Variants in CDH2 observed in about 807,000 individuals in gnomAD.
CDH2 encodes cadherin 2, also known as cadherin-2.
CDH2 carries 17 observed loss-of-function variants against 92.0 expected under a neutral mutation model. That is an observed-to-expected ratio of 0.18 (90% CI 0.13 to 0.28). The LOEUF (loss-of-function observed/expected upper bound fraction) is 0.28, where lower values mean the gene tolerates loss of function less well. Among genes scored for constraint, CDH2 ranks in the 10% least tolerant of loss-of-function variants. CDH2 has a pLI of 1.00. For missense variants in CDH2, 862 were observed against 1,133.1 expected (o/e 0.76, Z 3.44); for synonymous variants, 419 against 415.9 (o/e 1.01, Z -0.09).
At chr18:28,113,731 GAAA>G (rs1244962765) in intron 2 of CDH2, among the ~76,000 whole-genome samples, 2 of 151,730 alleles carry the variant, frequency 1.3e-5, no homozygotes, top group African/African-American at 4.8e-5. Flanking sequence ...AATTAGCTCT[GAAA>G]AAAAGACAGG....
At chr18:28,069,704 C>T (rs1353031061) in intron 2 of CDH2, among the ~76,000 whole-genome samples, 1 of 152,138 alleles carries the variant, frequency 6.6e-6, no homozygotes, top group Admixed American at 6.6e-5. Context: ...GAATTAGCTG[C>T]CCCACCAGAA....
chr18:28,058,955 G>A (rs2014349277), intron 2 of CDH2, among the ~76,000 whole-genome samples: 1 of 152,160 alleles, frequency 6.6e-6, no homozygotes, highest in African/African-American at 2.4e-5. Flanking sequence ...AGGCTATTTG[G>A]TTAAAACAGG....
Position 27,992,721 on chromosome 18 carries a change from A to C in CDH2, c.1278T>G (p.Asp426Glu). The C allele has an allele frequency of 3.7e-6, 6 of 1,614,038 alleles. No homozygotes were observed. The highest frequency in any genetic ancestry group is 5.1e-6 in the Non-Finnish European group (6 of 1,179,980). The change falls in exon 9 of 16, where the codon GAT becomes GAG. Residue 426 changes from aspartate to glutamate, a missense_variant. Asp to Glu is a conservative substitution (Grantham distance 45, BLOSUM62 2). Coordinates refer to ENST00000269141, the MANE Select transcript of CDH2 (RefSeq NM_001792.5). ...WNAVYRISGGDPTGRFAIQTD... is the reference protein window; with the variant it reads ...WNAVYRISGGEPTGRFAIQTD... ...TCTGGATGGCGAACCGTCCAGTAGG[A>C]TCTCCGCCACTGATTCTGTACACTG...
intron 2 of CDH2, among the ~76,000 whole-genome samples, chr18:28,059,480 C>T (rs1457870500): frequency 2.0e-5 from 3 of 152,156 alleles, no homozygotes; most frequent in Non-Finnish European, 1.5e-5. Context: ...TAGTTAACAG[C>T]CCCTGAGCTT....
intron 2 of CDH2, among the ~76,000 whole-genome samples, chr18:28,047,851 A>G (rs2014110278): frequency 7.2e-6 from 1 of 138,482 alleles, no homozygotes. Flanking sequence ...CCTGAACAAC[A>G]GAGGGAGACT....
chr18:27,982,613 A>T (rs1230617076), intron 14 of CDH2, among the ~76,000 whole-genome samples: 3 of 152,170 alleles, frequency 2.0e-5, no homozygotes, highest in African/African-American at 7.2e-5. Context: ...AATTATCCAG[A>T]TCCCAAAGTA....
chr18:27,987,175 T>G (rs552811922), intron 11 of CDH2, among the ~76,000 whole-genome samples: 1 of 152,226 alleles, frequency 6.6e-6, no homozygotes, highest in African/African-American at 2.4e-5. Context: ...TATAATTTTA[T>G]GGCTCTTTAG....
intron 2 of CDH2, among the ~76,000 whole-genome samples, chr18:28,024,711 A>C (rs576964879): frequency 6.6e-6 from 1 of 151,882 alleles, no homozygotes; most frequent in Non-Finnish European, 1.5e-5. Flanking sequence ...GAAATCAACT[A>C]ATTTAATTGA....
rs535483516 is a variant in CDH2, at chr18:28,025,379, G to A, written c.173-11470C>T. Among the ~76,000 whole-genome samples the A allele has an allele frequency of 3.9e-4, 60 of 151,956 alleles. 1 individual carries two copies. Among genetic ancestry groups the A allele is most frequent in the African/African-American group, 2.2e-4 (9 of 41,434 alleles). ...CTAAAATACAAAAAATTAGCCAGGC[G>A]TGGCGGTGTACACCTGTAGTCCCAG... On this transcript the variant is annotated intron_variant, in intron 2 of 15. Transcript: ENST00000269141.
At chr18:28,138,986 G>A (rs1301440124) in intron 2 of CDH2, among the ~76,000 whole-genome samples, 1 of 152,034 alleles carries the variant, frequency 6.6e-6, no homozygotes, top group Middle Eastern at 3.2e-3. Context: ...TGTCAAGGAT[G>A]CTACAGCAAT....
rs773074981 is a variant in CDH2 at position 28,006,027 on chromosome 18, G to A, written c.703-34C>T. The A allele has an allele frequency of 1.9e-6, 3 of 1,542,106 alleles. No individual in the cohort carries two copies. In the East Asian group the frequency reaches 6.8e-5, roughly 35 times the overall value. On this transcript the variant is annotated intron_variant, in intron 5 of 15. Coordinates refer to ENST00000269141, the MANE Select transcript of CDH2 (RefSeq NM_001792.5). The stretch of plus-strand genomic sequence containing the variant: ...GTAATTAGAAAACAACTATTTAACA[G>A]ATTTATGTCTGTGAGAAGATAAATA...
At chr18:28,162,324 A>G (rs2016318006) in intron 1 of CDH2, among the ~76,000 whole-genome samples, 1 of 152,156 alleles carries the variant, frequency 6.6e-6, no homozygotes, top group Non-Finnish European at 1.5e-5. Flanking sequence ...TCATGTACTT[A>G]GGGGAGCACA....
At chr18:27,981,422 G>A (rs538208192) in intron 14 of CDH2, among the ~76,000 whole-genome samples, 4 of 152,236 alleles carry the variant, frequency 2.6e-5, no homozygotes, top group Admixed American at 2.6e-4. Context: ...CTTTAATTAG[G>A]CAGTATTCAA....
At chr18:28,043,890 A>AGTTTTTTTT (rs2014013411) in intron 2 of CDH2, among the ~76,000 whole-genome samples, 1 of 91,454 alleles carries the variant, frequency 1.1e-5, no homozygotes, top group Non-Finnish European at 2.2e-5. Context: ...AGAATCTCGG[A>AGTTTTTTTT]TTTTTTTTTT....
At chr18:28,070,375 C>T (rs1047182221) in intron 2 of CDH2, among the ~76,000 whole-genome samples, 1 of 152,142 alleles carries the variant, frequency 6.6e-6, no homozygotes, top group Admixed American at 6.5e-5. Context: ...GTTTTAGCTG[C>T]TAAAGCTTGA....
At chr18:28,086,872 T>C (rs1309617069) in intron 2 of CDH2, among the ~76,000 whole-genome samples, 1 of 152,186 alleles carries the variant, frequency 6.6e-6, no homozygotes, top group Non-Finnish European at 1.5e-5. Context: ...CATTTGAATG[T>C]CCAAAATAAC....
At chr18:28,162,671 A>C (rs896613656) in intron 1 of CDH2, among the ~76,000 whole-genome samples, 8 of 152,222 alleles carry the variant, frequency 5.3e-5, no homozygotes, top group Non-Finnish European at 1.2e-4. Flanking sequence ...AGAATAGACT[A>C]ATCTTGCTCC....
chr18:28,078,784 C>G (rs1197774648), intron 2 of CDH2, among the ~76,000 whole-genome samples: 1 of 152,104 alleles, frequency 6.6e-6, no homozygotes, highest in African/African-American at 2.4e-5. Context: ...ACTCCTCGCC[C>G]CAGCAGTTTA....
intron 2 of CDH2, among the ~76,000 whole-genome samples, chr18:28,023,691 GT>G (rs1346999278): frequency 6.6e-6 from 1 of 152,058 alleles, no homozygotes; most frequent in Non-Finnish European, 1.5e-5. Flanking sequence ...ACAGAAGTTT[GT>G]TTTGATTTGC....
Sources: gnomAD v4.1 joint callset for allele counts (sites outside exome capture counted in the v4.1 genomes callset) on GRCh38, gnomAD v4.1.1 for gene constraint, MANE v1.5 for transcripts, NCBI Gene and HGNC (gene_info 2026-07-23, HGNC 2026-07-21) for gene names.